The following UQCC1 variants were observed in gnomAD, a reference collection of about 807,000 sequenced individuals.
UQCC1 encodes bFGF-repressed Zic-binding protein.
A neutral mutation model predicts 48.0 loss-of-function variants in UQCC1; 38 were observed. The ratio of observed to expected loss-of-function variants is 0.79; its 90% CI spans 0.61 to 1.04. The LOEUF is 1.04. Among genes scored for constraint, UQCC1 ranks in the 50% least tolerant of loss-of-function variants. The pLI is 0.00. For missense variants in UQCC1, 368 were observed against 381.8 expected, an observed-to-expected ratio of 0.96 and a Z score of 0.30; for synonymous variants, 111 against 129.2, an observed-to-expected ratio of 0.86 and a Z score of 0.95.
chr20:35,377,719 T>C (rs2061818560), intron 4 of UQCC1, among the ~76,000 whole-genome samples: 1 of 152,208 alleles, frequency 6.6e-6, no homozygotes, highest in South Asian at 2.1e-4. Flanking sequence ...TTCCTATATA[T>C]AAAGTCCTGG....
chr20:35,380,559 T>C (rs181247181), intron 4 of UQCC1, among the ~76,000 whole-genome samples: 1 of 152,332 alleles, frequency 6.6e-6, no homozygotes, highest in Non-Finnish European at 1.5e-5. Context: ...AAGTCTATAA[T>C]AAAATTGAAA....
At chr20:35,319,941 A>T (rs2061104235) in intron 7 of UQCC1, among the ~76,000 whole-genome samples, 1 of 152,160 alleles carries the variant, frequency 6.6e-6, no homozygotes, top group Non-Finnish European at 1.5e-5. Context: ...ATCAAGTTTT[A>T]ACTCCTCCAT....
intron 2 of UQCC1, 59 bp downstream of exon 2, chr20:35,394,033 T>C: frequency 6.6e-7 from 1 of 1,509,896 alleles, no homozygotes; most frequent in Non-Finnish European, 9.2e-7. Context: ...TATAAATACA[T>C]GACATTTGCA....
At chr20:35,346,416 C>A in intron 7 of UQCC1, 1 of 161,430 alleles carries the variant, frequency 6.2e-6, no homozygotes, top group South Asian at 1.8e-4. Context: ...AGCGAGACCA[C>A]GAACCCACTG....
intron 2 of UQCC1, 29 bp downstream of exon 2, chr20:35,394,063 A>G (rs1008930544): frequency 3.1e-6 from 5 of 1,592,750 alleles, no homozygotes; most frequent in Non-Finnish European, 4.3e-6. Flanking sequence ...TAAGGTTTTC[A>G]TACTAAGCAA....
intron 4 of UQCC1, among the ~76,000 whole-genome samples, chr20:35,374,891 T>G (rs537414339): frequency 2.0e-5 from 3 of 152,272 alleles, no homozygotes; most frequent in East Asian, 3.9e-4. Context: ...GTGGTTTTAA[T>G]TTTTTCACTG....
chr20:35,303,763 C>CA lies in UQCC1; in HGVS notation c.*171dup, dbSNP rs2060896153. On this transcript the variant is annotated 3_prime_UTR_variant, in exon 10 of 10. Transcript: ENST00000374385. ...CTCCCAGCCCTGTACCCCAGCAGAT[C>CA]AGACTCCTGGGCACACTAAGAGGAA... is the stretch of plus-strand genomic sequence containing the variant. 2.2e-6 allele frequency: 2 copies of CA among 900,624 alleles called. No individual in the cohort carries two copies. The highest frequency in any genetic ancestry group is 3.2e-5 in the South Asian group (2 of 63,018). 55.8% of individuals were successfully genotyped at this position (900,624 alleles called of 1,614,324 possible).
Position 35,310,970 on chromosome 20 carries a change from T to G in UQCC1, c.651+3718A>C, listed in dbSNP as rs556866830. Among the ~76,000 whole-genome samples the G allele has an allele frequency of 1.0e-3, 151 of 151,374 alleles. No individual in the cohort carries two copies. The Middle Eastern group carries it at 0.014, about 14-fold the overall frequency. On this transcript the variant is annotated intron_variant, in intron 8 of 9. Coordinates refer to ENST00000374385, the MANE Select transcript of UQCC1 (RefSeq NM_018244.5). The stretch of plus-strand genomic sequence containing the variant: ...ACCTCGGCCTCCCAAAGTGCTGGGA[T>G]TACAGGCGTGAGCCACTGTGCCTGG...
intron 6 of UQCC1, among the ~76,000 whole-genome samples, chr20:35,358,209 C>T (rs1212213909): frequency 6.6e-6 from 1 of 151,654 alleles, no homozygotes; most frequent in South Asian, 2.1e-4. Flanking sequence ...CAAAAATTAG[C>T]TGGGCATGGT....
At chr20:35,343,098 C>T (rs1444159691) in intron 7 of UQCC1, among the ~76,000 whole-genome samples, 2 of 152,192 alleles carry the variant, frequency 1.3e-5, no homozygotes, top group Admixed American at 1.3e-4. Flanking sequence ...GCAATCACCT[C>T]TAAGTTTTTG....
chr20:35,330,235 G>A (rs1035299917), intron 7 of UQCC1, among the ~76,000 whole-genome samples: 1 of 152,190 alleles, frequency 6.6e-6, no homozygotes, highest in Non-Finnish European at 1.5e-5. Context: ...ATCAAGTAAC[G>A]AAAAGAGCAA....
intron 8 of UQCC1, among the ~76,000 whole-genome samples, chr20:35,313,646 T>A (rs4911486): frequency 6.6e-6 from 1 of 152,122 alleles, no homozygotes; most frequent in South Asian, 2.1e-4. Flanking sequence ...CCAAGTCTCA[T>A]TCTGTTGCCC....
chr20:35,381,154 G>A (rs1014847709), intron 4 of UQCC1, among the ~76,000 whole-genome samples: 1 of 152,190 alleles, frequency 6.6e-6, no homozygotes, highest in Non-Finnish European at 1.5e-5. Context: ...AACAGATAAT[G>A]TGCTAGGCCA....
chr20:35,371,065 G>A (rs1435385032), intron 5 of UQCC1, among the ~76,000 whole-genome samples: 1 of 152,056 alleles, frequency 6.6e-6, no homozygotes, highest in Non-Finnish European at 1.5e-5. Context: ...CATACTATAT[G>A]AGCTAATAGT....
At chr20:35,386,285 TA>T in intron 2 of UQCC1, 3 of 445,080 alleles carry the variant, frequency 6.7e-6, no homozygotes, top group Admixed American at 2.5e-5. Flanking sequence ...ACCTTTACAA[TA>T]AAAAAGGGTG....
At chr20:35,331,977 T>C (rs1004397564) in intron 7 of UQCC1, among the ~76,000 whole-genome samples, 1 of 152,194 alleles carries the variant, frequency 6.6e-6, no homozygotes, top group Non-Finnish European at 1.5e-5. Context: ...TTATAGAGGA[T>C]GGAATGGAGA....
At chr20:35,305,056 G>A (rs1178126986) in intron 9 of UQCC1, among the ~76,000 whole-genome samples, 1 of 152,180 alleles carries the variant, frequency 6.6e-6, no homozygotes, top group African/African-American at 2.4e-5. Context: ...GTCTGCTCAA[G>A]GCCCAGCTCC....
At chr20:35,374,728 G>A (rs1021929438) in intron 4 of UQCC1, among the ~76,000 whole-genome samples, 1 of 151,736 alleles carries the variant, frequency 6.6e-6, no homozygotes, top group African/African-American at 2.4e-5. Context: ...TGGAGTAAGC[G>A]GTATCTTTTT....
At position 35,384,966 on chromosome 20, in the gene UQCC1, C is replaced by CAA. The variant is rs57141083; in HGVS notation, c.130-835_130-834dup. On this transcript the variant is annotated intron_variant, in intron 2 of 9. Transcript: ENST00000374385. Reference sequence around the variant, plus strand: ...TGGGCAACACAGCAAGAATCGGTCTCAAAAAAAAAAAAAAAAAAAAAAAAA... The same window carrying CAA: ...TGGGCAACACAGCAAGAATCGGTCTCAAAAAAAAAAAAAAAAAAAAAAAAAAA... 3.2e-3 allele frequency among the ~76,000 whole-genome samples: 226 copies of CAA among 69,730 alleles called. 8 individuals are homozygous for CAA. The highest frequency in any genetic ancestry group is 0.012 in the African/African-American group (188 of 15,944). 45.7% of individuals were successfully genotyped at this position (69,730 alleles called of 152,430 possible).
Sources: gnomAD v4.1 joint callset for allele counts (sites outside exome capture counted in the v4.1 genomes callset) on GRCh38, gnomAD v4.1.1 for gene constraint, MANE v1.5 for transcripts, NCBI Gene and HGNC (gene_info 2026-07-23, HGNC 2026-07-21) for gene names.